CCAR1: variants seen among roughly 807,000 people sequenced by gnomAD.
CCAR1 encodes the protein cell division cycle and apoptosis regulator protein 1.
Under a neutral mutation model 163.8 loss-of-function variants are expected in CCAR1, and 78 were observed. The ratio of observed to expected loss-of-function variants is 0.48; its 90% CI spans 0.40 to 0.57. CCAR1 has a LOEUF of 0.57. CCAR1 is among the 20% of genes least tolerant of loss of function. The pLI is 0.00. For missense variants in CCAR1, 1,019 were observed against 1,365.2 expected (o/e 0.75, Z 4.00); for synonymous variants, 443 against 460.7 (o/e 0.96, Z 0.49).
intron 18 of CCAR1, among the ~76,000 whole-genome samples, 182 bp downstream of exon 18, chr10:68,771,627 C>G (rs537601170): frequency 1.3e-5 from 2 of 151,822 alleles, no homozygotes; most frequent in Admixed American, 6.6e-5. Context: ...ACTAAAGATC[C>G]AAAAAATTAG....
intron 19 of CCAR1, 107 bp downstream of exon 19, chr10:68,773,206 T>C: frequency 6.5e-6 from 4 of 610,852 alleles, no homozygotes; most frequent in Non-Finnish European, 8.5e-6. Flanking sequence ...TTCTTTAGAA[T>C]AGAAAGAGTA....
chr10:68,786,774 G>A, intron 21 of CCAR1, 82 bp downstream of exon 21: 2 of 1,251,118 alleles, frequency 1.6e-6, no homozygotes, highest in Non-Finnish European at 2.3e-6. Flanking sequence ...AACCTCTGTT[G>A]ACTTTTTGAT....
In CCAR1 at chr10:68,766,075, T is replaced by G; in HGVS notation, c.2294T>G (p.Phe765Cys). The G allele has an allele frequency of 6.3e-7, 1 of 1,595,162 alleles. No individual in the cohort carries two copies. Among genetic ancestry groups the G allele is most frequent in the Non-Finnish European group, 8.6e-7 (1 of 1,163,416 alleles). The change falls in exon 17 of 25, where the codon TTT becomes TGT. Residue 765 changes from phenylalanine (F) to cysteine (C), a missense_variant. This residue lies in a region of CCAR1 where 17 missense variants were observed against 36.6 expected (regional missense o/e 0.47). Coordinates refer to ENST00000265872, the MANE Select transcript of CCAR1 (RefSeq NM_018237.4). ...YRLEDNKEHS[F>C]EVSLFAELFN... ...TTAGAGGATAATAAAGAACATTCAT[T>G]TGAGGTAATGTTTTAAGTTTGAAAT...
At position 68,761,206 on chromosome 10, in the gene CCAR1, CTAT is replaced by C. The variant is rs1331045129; in HGVS notation, c.2106+21_2106+23del. On this transcript the variant is annotated intron_variant, in intron 16 of 24. Coordinates refer to ENST00000265872, the MANE Select transcript of CCAR1 (RefSeq NM_018237.4). ...GACGATAAAGAGGTATGTACTCAAT[CTAT>C]TATTATACTCTATGGTATTAATATT... 2.6e-6 allele frequency: 4 copies of C among 1,520,718 alleles called. No homozygotes were observed. Among genetic ancestry groups the C allele is most frequent in the Admixed American group, 1.9e-5 (1 of 51,450 alleles). The allele number at this position is 1,520,718 out of a possible 1,614,324, so 94.2% of individuals were successfully genotyped here.
At chr10:68,784,820 T>C (rs1228473441) in intron 19 of CCAR1, among the ~76,000 whole-genome samples, 2 of 152,178 alleles carry the variant, frequency 1.3e-5, no homozygotes, top group African/African-American at 4.8e-5. Flanking sequence ...GCTCAGGTGA[T>C]TGTTAGTGTT....
rs116239905 is a variant in CCAR1, at chr10:68,765,679, A to G, written c.2107-209A>G. ...TTTCTTATGCTGGGAAATCCAAAAG[A>G]GAGTTAGGAGCCATCAAAGCTTACT... On this transcript the variant is annotated intron_variant, in intron 16 of 24. Coordinates refer to ENST00000265872, the MANE Select transcript of CCAR1 (RefSeq NM_018237.4). Among the ~76,000 whole-genome samples, 4 of 152,122 alleles carry G rather than the reference A, an allele frequency of 2.6e-5. No homozygotes were observed. The South Asian group carries it at 8.3e-4, about 32-fold the overall frequency.
chr10:68,737,549 T>C (rs1011611264), intron 3 of CCAR1, among the ~76,000 whole-genome samples: 2 of 151,870 alleles, frequency 1.3e-5, no homozygotes, highest in African/African-American at 4.8e-5. Flanking sequence ...TTTAAGTCCT[T>C]AAATTGGGCA....
intron 4 of CCAR1, among the ~76,000 whole-genome samples, chr10:68,738,511 G>C (rs2133326419): frequency 6.6e-6 from 1 of 152,282 alleles, no homozygotes. Context: ...GAACGTTTGG[G>C]CCAGGTCTGC....
rs116635158 is a variant in CCAR1 at position 68,729,889 on chromosome 10, G to T, written c.74-6987G>T. ...GCACCAACATGTTCTGCCAGGTTTTGAATTTTATTCATTATTTCAGAAAGA... is the reference window on the plus strand; with the variant it reads ...GCACCAACATGTTCTGCCAGGTTTTTAATTTTATTCATTATTTCAGAAAGA... On this transcript the variant is annotated intron_variant, in intron 2 of 24. Transcript: ENST00000265872. 6.1e-3 allele frequency among the ~76,000 whole-genome samples: 923 copies of T among 150,398 alleles called. 8 individuals are homozygous for T. Among genetic ancestry groups the T allele is most frequent in the African/African-American group, 0.022 (881 of 40,804 alleles).
At chr10:68,749,347 TATA>T (rs2056301452) in intron 9 of CCAR1, 82 bp downstream of exon 9, 1 of 1,384,038 alleles carries the variant, frequency 7.2e-7, no homozygotes, top group South Asian at 1.5e-5. Context: ...GAACTATGCT[TATA>T]ATATAAAATT....
chr10:68,789,454 T>G (rs1187243252), intron 23 of CCAR1, among the ~76,000 whole-genome samples: 4 of 151,832 alleles, frequency 2.6e-5, no homozygotes, highest in Non-Finnish European at 4.4e-5. Context: ...CTGGGTGTGG[T>G]GGTACGCGCC....
chr10:68,738,977 A>T (rs2056149005), intron 4 of CCAR1, among the ~76,000 whole-genome samples: 1 of 152,224 alleles, frequency 6.6e-6, no homozygotes, highest in Non-Finnish European at 1.5e-5. Context: ...TGTAGTTCAC[A>T]CTTCTATTCC....
chr10:68,728,445 A>AAGGGATCACTCAGCCTATGAATG (rs1383030017), intron 2 of CCAR1, among the ~76,000 whole-genome samples: 2 of 151,788 alleles, frequency 1.3e-5, no homozygotes, highest in African/African-American at 4.8e-5. Context: ...TTCTGCCTTC[A>AAGGGATCACTCAGCCTATGAATG]AGGGATCACT....
intron 4 of CCAR1, 48 bp from the exon 5 acceptor site, chr10:68,740,581 C>T (rs2056169440): frequency 6.7e-7 from 1 of 1,496,824 alleles, no homozygotes; most frequent in Non-Finnish European, 9.2e-7. Flanking sequence ...TATGAAGCAA[C>T]AATTCTGATT....
chr10:68,741,355 G>T (rs942767363), intron 5 of CCAR1, among the ~76,000 whole-genome samples: 1 of 152,108 alleles, frequency 6.6e-6, no homozygotes, highest in Non-Finnish European at 1.5e-5. Context: ...TAATTTTTCA[G>T]CAACATTAAA....
At chr10:68,764,729 C>T (rs1391017464) in intron 16 of CCAR1, among the ~76,000 whole-genome samples, 1 of 152,152 alleles carries the variant, frequency 6.6e-6, no homozygotes, top group African/African-American at 2.4e-5. Flanking sequence ...ATCTACCAAT[C>T]AGATACTCAC....
intron 19 of CCAR1, among the ~76,000 whole-genome samples, chr10:68,781,864 A>G (rs1199968778): frequency 6.6e-6 from 1 of 152,144 alleles, no homozygotes; most frequent in African/African-American, 2.4e-5. Flanking sequence ...AATAATAATC[A>G]TAATAACAAA....
chr10:68,739,206 A>G (rs1402923073), intron 4 of CCAR1, among the ~76,000 whole-genome samples: 1 of 152,080 alleles, frequency 6.6e-6, no homozygotes, highest in Non-Finnish European at 1.5e-5. Context: ...CTAGAGTGCA[A>G]TGGTGCGATC....
chr10:68,784,276 C>G (rs1014752898), intron 19 of CCAR1, among the ~76,000 whole-genome samples: 1 of 151,802 alleles, frequency 6.6e-6, no homozygotes, highest in Admixed American at 6.6e-5. Flanking sequence ...AGTGCAGTGC[C>G]GTGATCTCGG....
Sources: allele counts gnomAD v4.1 joint callset (sites outside exome capture counted in the v4.1 genomes callset), GRCh38; gene constraint gnomAD v4.1.1; regional missense constraint gnomAD v4.1.1; transcripts MANE v1.5; gene names NCBI Gene and HGNC (gene_info 2026-07-23, HGNC 2026-07-21).